The following HECW1 variants were observed in gnomAD, a reference collection of about 807,000 sequenced individuals.
HECW1 encodes the protein HECT, C2 and WW domain containing E3 ubiquitin protein ligase 1.
A neutral mutation model predicts 182.3 loss-of-function variants in HECW1; 61 were observed. The ratio of observed to expected loss-of-function variants is 0.33; its 90% CI spans 0.27 to 0.41. HECW1 has a LOEUF of 0.41. Among genes scored for constraint, HECW1 ranks in the 10% least tolerant of loss-of-function variants. The probability of loss-of-function intolerance (pLI) is 1.00; values close to 1 mark genes in which losing one functional copy is unlikely to be tolerated. For missense variants in HECW1, 1,739 were observed against 2,108.9 expected, an observed-to-expected ratio of 0.82 and a Z score of 3.44; for synonymous variants, 859 against 832.6, an observed-to-expected ratio of 1.03 and a Z score of -0.55.
chr7:43,399,243 T>C (rs1431362224), intron 7 of HECW1, among the ~76,000 whole-genome samples: 1 of 152,200 alleles, frequency 6.6e-6, no homozygotes. Context: ...CTCCCAAAGT[T>C]AGTTGCGCCT....
chr7:43,359,068 C>T (rs531973686), intron 5 of HECW1, among the ~76,000 whole-genome samples: 22 of 152,230 alleles, frequency 1.4e-4, no homozygotes, highest in African/African-American at 5.3e-4. Context: ...ACAAATGATC[C>T]ACCCACCTCG....
At chr7:43,254,953 T>TGATCA (rs1800408954) in intron 3 of HECW1, among the ~76,000 whole-genome samples, 1 of 152,236 alleles carries the variant, frequency 6.6e-6, no homozygotes, top group Non-Finnish European at 1.5e-5. Context: ...ACCTTTTCTA[T>TGATCA]TGTTGACTAA....
chr7:43,537,051 G>A (rs2081202658), intron 24 of HECW1, among the ~76,000 whole-genome samples: 1 of 152,232 alleles, frequency 6.6e-6, no homozygotes, highest in Non-Finnish European at 1.5e-5. Context: ...CCGCCAGAAT[G>A]TCAGCGCAGA....
intron 6 of HECW1, among the ~76,000 whole-genome samples, chr7:43,384,763 G>C (rs750893706): frequency 6.6e-6 from 1 of 152,058 alleles, no homozygotes; most frequent in Non-Finnish European, 1.5e-5. Flanking sequence ...CATCTATTCC[G>C]TGAGAGGGAG....
intron 2 of HECW1, among the ~76,000 whole-genome samples, chr7:43,190,136 C>T (rs575398983): frequency 9.2e-5 from 14 of 152,184 alleles, no homozygotes; most frequent in East Asian, 5.8e-4. Flanking sequence ...TTTTTTGAGA[C>T]GGAGTCATGC....
rs1443237473 is a variant in HECW1, at chr7:43,417,533, C to CCAG, written c.801+9802_801+9803insCAG. Among the ~76,000 whole-genome samples, 530 of 152,152 alleles carry CCAG rather than the reference C, an allele frequency of 3.5e-3. 2 individuals are homozygous for CCAG. Among genetic ancestry groups the CCAG allele is most frequent in the African/African-American group, 0.012 (501 of 41,516 alleles). On this transcript the variant is annotated intron_variant, in intron 8 of 29. Transcript: ENST00000395891. ...GGATATTTTCACTGGATATAGAATTCTGGGTTAACTGGTATGTTTCCCCTC... is the reference window on the plus strand; with the variant it reads ...GGATATTTTCACTGGATATAGAATTCCAGTGGGTTAACTGGTATGTTTCCCCTC...
chr7:43,163,224 C>T (rs1029453180), intron 2 of HECW1: 1 of 152,254 alleles, frequency 6.6e-6, no homozygotes, highest in East Asian at 1.9e-4. Context: ...CGTTGCCAAG[C>T]TATTGGAAGA....
chr7:43,425,297 A>AGACAGAT (rs1562961585), intron 8 of HECW1, among the ~76,000 whole-genome samples: 1 of 121,498 alleles, frequency 8.2e-6, no homozygotes, highest in African/African-American at 3.3e-5. Flanking sequence ...GTAGATAGAT[A>AGACAGAT]GATAGATGAT....
intron 24 of HECW1, among the ~76,000 whole-genome samples, chr7:43,514,354 A>G (rs2080032223): frequency 1.3e-5 from 2 of 149,914 alleles, no homozygotes. Context: ...GCTGAGTGCA[A>G]TCTTTGCTCA....
At chr7:43,436,373 G>A (rs984908196) in intron 8 of HECW1, among the ~76,000 whole-genome samples, 1 of 152,048 alleles carries the variant, frequency 6.6e-6, no homozygotes, top group African/African-American at 2.4e-5. Flanking sequence ...ATTTTCACGT[G>A]TGTTCATGTG....
intron 2 of HECW1, among the ~76,000 whole-genome samples, chr7:43,189,253 C>T (rs558579789): frequency 6.6e-6 from 1 of 152,178 alleles, no homozygotes; most frequent in South Asian, 2.1e-4. Context: ...ATCATAACTA[C>T]TCAAATTTTA....
chr7:43,267,296 A>G (rs1180754275), intron 3 of HECW1, among the ~76,000 whole-genome samples: 15 of 152,190 alleles, frequency 9.9e-5, no homozygotes, highest in Admixed American at 9.8e-4. Flanking sequence ...TCCGATCACA[A>G]TACAATTAGA....
intron 15 of HECW1, among the ~76,000 whole-genome samples, chr7:43,467,124 T>TTTG (rs201676278): frequency 0.014 from 2,057 of 152,302 alleles, 46 homozygotes; most frequent in African/African-American, 0.048. Flanking sequence ...TTTTCTGTGG[T>TTTG]TCAGGCTCAG....
At chr7:43,194,051 A>G (rs950895641) in intron 2 of HECW1, among the ~76,000 whole-genome samples, 1 of 152,186 alleles carries the variant, frequency 6.6e-6, no homozygotes, top group African/African-American at 2.4e-5. Flanking sequence ...TATTGTTGCA[A>G]AGAGTCTGTT....
At chr7:43,420,779 T>C (rs1449068504) in intron 8 of HECW1, among the ~76,000 whole-genome samples, 2 of 152,200 alleles carry the variant, frequency 1.3e-5, no homozygotes, top group Non-Finnish European at 2.9e-5. Flanking sequence ...ACTACCACTT[T>C]GCTGAGAGAA....
intron 17 of HECW1, among the ~76,000 whole-genome samples, chr7:43,480,670 C>G (rs117244982): frequency 6.8e-6 from 1 of 146,876 alleles, no homozygotes. Flanking sequence ...TATATATACA[C>G]ACACATATAT....
At chr7:43,345,909 G>A (rs1185378499) in intron 5 of HECW1, among the ~76,000 whole-genome samples, 1 of 151,896 alleles carries the variant, frequency 6.6e-6, no homozygotes, top group Admixed American at 6.6e-5. Flanking sequence ...GGGCATTTGG[G>A]TTGCTTGCAC....
At chr7:43,546,314 A>G (rs1425577040) in intron 26 of HECW1, among the ~76,000 whole-genome samples, 1 of 148,684 alleles carries the variant, frequency 6.7e-6, no homozygotes, top group African/African-American at 2.5e-5. Context: ...TATGCATAAC[A>G]TTTGGACACA....
At chr7:43,351,252 C>T (rs1312573216) in intron 5 of HECW1, among the ~76,000 whole-genome samples, 1 of 152,154 alleles carries the variant, frequency 6.6e-6, no homozygotes, top group African/African-American at 2.4e-5. Flanking sequence ...ATACCAGTGC[C>T]TGTTCTGGTG....
Sources: allele counts gnomAD v4.1 joint callset (sites outside exome capture counted in the v4.1 genomes callset), GRCh38; gene constraint gnomAD v4.1.1; transcripts MANE v1.5; gene names NCBI Gene and HGNC (gene_info 2026-07-23, HGNC 2026-07-21).